Variants in DSE observed in about 807,000 individuals in gnomAD.
DSE encodes dermatan-sulfate epimerase.
DSE carries 36 observed loss-of-function variants against 84.4 expected under a neutral mutation model. The observed-to-expected ratio is 0.43, with a 90% CI of 0.33 to 0.56. The LOEUF is 0.56. DSE is among the 20% of genes least tolerant of loss of function. DSE has a pLI of 0.06. For missense variants in DSE, 862 were observed against 1,169.6 expected, an observed-to-expected ratio of 0.74 and a Z score of 3.84; for synonymous variants, 410 against 430.1, an observed-to-expected ratio of 0.95 and a Z score of 0.58.
intron 2 of DSE, among the ~76,000 whole-genome samples, chr6:116,261,380 T>C (rs1241804907): frequency 6.6e-6 from 1 of 152,122 alleles, no homozygotes; most frequent in African/African-American, 2.4e-5. Flanking sequence ...TGTGTGGCTA[T>C]TGTGAATGGG....
rs576118852 is a variant in DSE at position 116,440,563 on chromosome 6, G to C, written c.*3218G>C. The C allele has an allele frequency of 5.3e-5, 8 of 152,236 alleles. No individual in the cohort carries two copies. The South Asian group carries it at 1.7e-3, about 32-fold the overall frequency. The allele number at this position is 152,236 out of a possible 1,614,324, so 9.4% of individuals were successfully genotyped here. ...CAAGCTATGAAATGCTATATTTGTA[G>C]GCTTAAAAGTAAATTAGTGTGTTTT... On this transcript the variant is annotated 3_prime_UTR_variant, in exon 6 of 6. Coordinates refer to ENST00000644252, the MANE Select transcript of DSE (RefSeq NM_013352.4).
intron 2 of DSE, among the ~76,000 whole-genome samples, chr6:116,299,533 TATATATATATATATATATACACATAC>T (rs368266410): frequency 0.11 from 4,119 of 36,666 alleles, 317 homozygotes; most frequent in East Asian, 0.34. Flanking sequence ...TATATATATA[TATATATATATATATATATACACATAC>T]ACACACACAC....
chr6:116,406,122 T>C (rs1452483935), intron 2 of DSE, among the ~76,000 whole-genome samples: 1 of 152,240 alleles, frequency 6.6e-6, no homozygotes, highest in Non-Finnish European at 1.5e-5. Flanking sequence ...TCAGTATTGG[T>C]ATGACCCTCA....
At chr6:116,355,856 T>A (rs1201910031) in intron 2 of DSE, 2 of 152,248 alleles carry the variant, frequency 1.3e-5, no homozygotes, top group Non-Finnish European at 2.9e-5. Context: ...TGCTCATTGT[T>A]CTTTAACACA....
chr6:116,401,859 A>G (rs1203390221), intron 2 of DSE, among the ~76,000 whole-genome samples: 1 of 152,154 alleles, frequency 6.6e-6, no homozygotes. Context: ...TTGATTTCAG[A>G]AAAAACAAAA....
intron 2 of DSE, among the ~76,000 whole-genome samples, chr6:116,332,722 T>A (rs1777024720): frequency 6.6e-6 from 1 of 152,102 alleles, no homozygotes; most frequent in Non-Finnish European, 1.5e-5. Flanking sequence ...ATTAAGAGCC[T>A]CAGTTTATGA....
intron 2 of DSE, among the ~76,000 whole-genome samples, chr6:116,426,106 G>C (rs1436131166): frequency 6.6e-6 from 1 of 152,136 alleles, no homozygotes; most frequent in African/African-American, 2.4e-5. Flanking sequence ...CAGTACCTTC[G>C]CATTGACCAG....
intron 2 of DSE, among the ~76,000 whole-genome samples, chr6:116,418,841 C>T (rs1782892903): frequency 6.6e-6 from 1 of 152,148 alleles, no homozygotes; most frequent in South Asian, 2.1e-4. Flanking sequence ...CTGTGTGGCT[C>T]TGAACAAGTA....
At chr6:116,379,463 C>G (rs1040528690) in intron 1 of DSE, among the ~76,000 whole-genome samples, 3 of 152,132 alleles carry the variant, frequency 2.0e-5, no homozygotes, top group African/African-American at 2.4e-5. Context: ...TCCTAGTTCT[C>G]TTCCTCCTCT....
exon 2 of DSE, chr6:116,258,925 G>T: frequency 6.4e-7 from 1 of 1,562,734 alleles, no homozygotes. Context: ...GGGACACTGA[G>T]CTTTGTGGAA....
rs570221091 is a variant in DSE, at chr6:116,258,224, C to G, written c.-575-222C>G. Among the ~76,000 whole-genome samples the G allele has an allele frequency of 3.9e-4, 59 of 152,060 alleles. 2 individuals carry two copies. In the South Asian group the frequency reaches 0.012, roughly 31 times the overall value. On this transcript the variant is annotated intron_variant, in intron 1 of 3. Coordinates refer to the DSE transcript ENST00000430252. ...AGATACAGGGTTTCACCATATTGGC[C>G]AGGCTGGCCTCAAACTCCCAACCTC... is the stretch of plus-strand genomic sequence containing the variant.
chr6:116,262,110 A>G (rs1772438435), intron 2 of DSE, among the ~76,000 whole-genome samples: 1 of 152,216 alleles, frequency 6.6e-6, no homozygotes, highest in African/African-American at 2.4e-5. Context: ...TTGGCCTCAT[A>G]GAATAAGTTA....
intron 2 of DSE, among the ~76,000 whole-genome samples, chr6:116,293,089 C>T (rs1184567644): frequency 6.6e-6 from 1 of 151,900 alleles, no homozygotes; most frequent in Non-Finnish European, 1.5e-5. Context: ...TAAAGAAAAC[C>T]CTCTCATACA....
intron 2 of DSE, among the ~76,000 whole-genome samples, chr6:116,303,420 T>G (rs1402323825): frequency 6.6e-6 from 1 of 152,230 alleles, no homozygotes; most frequent in East Asian, 1.9e-4. Flanking sequence ...AGCTCAATGA[T>G]GACACTAAAT....
rs193259921 is a variant in DSE, at chr6:116,376,226, G to T, written c.-54+5105G>T. On this transcript the variant is annotated intron_variant, in intron 1 of 5. Coordinates refer to ENST00000644252, the MANE Select transcript of DSE (RefSeq NM_013352.4). The stretch of plus-strand genomic sequence containing the variant: ...CTCTATCTCTTCTCATGCCTTCTGA[G>T]GATTCCATTGTGGGGCCACTTCTAA... Among the ~76,000 whole-genome samples the T allele has an allele frequency of 2.3e-3, 351 of 152,236 alleles. 3 individuals carry two copies. The highest frequency in any genetic ancestry group is 8.0e-3 in the African/African-American group (332 of 41,528).
chr6:116,326,323 G>A (rs1244152599), intron 2 of DSE, among the ~76,000 whole-genome samples: 2 of 151,894 alleles, frequency 1.3e-5, no homozygotes, highest in African/African-American at 4.8e-5. Context: ...TGAGGCAAGG[G>A]TTCTTTTCAG....
intron 2 of DSE, among the ~76,000 whole-genome samples, chr6:116,272,824 A>T (rs1772940838): frequency 6.6e-6 from 1 of 152,230 alleles, no homozygotes; most frequent in Non-Finnish European, 1.5e-5. Context: ...ATTAAATGAG[A>T]AATTAAAATT....
intron 1 of DSE, among the ~76,000 whole-genome samples, chr6:116,379,696 A>G (rs1780112726): frequency 6.6e-6 from 1 of 152,206 alleles, no homozygotes; most frequent in African/African-American, 2.4e-5. Flanking sequence ...TACAGTCCCA[A>G]GATATTCACC....
Position 116,436,779 on chromosome 6 carries a change from A to ACTCC in DSE, c.2311_2312insCTCC (p.Arg771ThrfsTer6). 1 of 1,614,168 alleles carries ACTCC rather than the reference A, an allele frequency of 6.2e-7. No individual in the cohort carries two copies. Among genetic ancestry groups the ACTCC allele is most frequent in the Non-Finnish European group, 8.5e-7 (1 of 1,180,020 alleles). On this transcript the variant is annotated frameshift_variant, in exon 6 of 6. Transcript: ENST00000644252. LOFTEE classifies it high-confidence loss of function. ...CCGAGTCCGGAACACAGCTAGCTTT[A>ACTCC]GGAAGACTGCTGAACGCCTGCTGAG... is the stretch of plus-strand genomic sequence containing the variant.
Sources: gnomAD v4.1 joint callset for allele counts (sites outside exome capture counted in the v4.1 genomes callset) on GRCh38, gnomAD v4.1.1 for gene constraint, MANE v1.5 for transcripts, NCBI Gene and HGNC (gene_info 2026-07-23, HGNC 2026-07-21) for gene names.